The following ADAM23 variants were observed in gnomAD, a reference collection of about 807,000 sequenced individuals.
The protein encoded by ADAM23 is ADAM metallopeptidase domain 23.
A neutral mutation model predicts 120.1 loss-of-function variants in ADAM23; 33 were observed. That is an observed-to-expected ratio of 0.27 (90% CI 0.21 to 0.37). ADAM23 has a LOEUF of 0.37. Ranked by LOEUF, ADAM23 falls within the 10% of genes least tolerant of loss-of-function variation. ADAM23 has a pLI of 1.00. For synonymous variants in ADAM23, 367 were observed against 375.2 expected (o/e 0.98, Z 0.25); for missense variants, 862 against 1,058.2 (o/e 0.81, Z 2.57).
intron 18 of ADAM23, among the ~76,000 whole-genome samples, chr2:206,576,281 T>G (rs1574543906): frequency 6.6e-6 from 1 of 152,090 alleles, no homozygotes; most frequent in African/African-American, 2.4e-5. Context: ...TAAAAACTTC[T>G]GTGTATTCAG....
At chr2:206,477,539 A>G (rs1695798257) in intron 2 of ADAM23, among the ~76,000 whole-genome samples, 1 of 152,112 alleles carries the variant, frequency 6.6e-6, no homozygotes, top group Non-Finnish European at 1.5e-5. Context: ...GAATGTCCTT[A>G]TAAAAGCAAG....
intron 3 of ADAM23, among the ~76,000 whole-genome samples, chr2:206,494,713 T>G (rs539733048): frequency 7.3e-4 from 111 of 152,356 alleles, no homozygotes; most frequent in African/African-American, 2.6e-3. Flanking sequence ...TTGCATCTTT[T>G]TTCCCACTAG....
chr2:206,553,817 C>G (rs1279905464), intron 9 of ADAM23, among the ~76,000 whole-genome samples: 1 of 152,106 alleles, frequency 6.6e-6, no homozygotes, highest in Non-Finnish European at 1.5e-5. Flanking sequence ...TGCTGCTGGG[C>G]TTTAGGATAA....
chr2:206,463,500 A>T (rs1695470974), intron 2 of ADAM23, among the ~76,000 whole-genome samples: 1 of 152,216 alleles, frequency 6.6e-6, no homozygotes, highest in South Asian at 2.1e-4. Context: ...ATGATAATTT[A>T]TGTTGTTTTA....
chr2:206,603,005 A>G (rs1409357135), intron 24 of ADAM23, among the ~76,000 whole-genome samples: 1 of 152,154 alleles, frequency 6.6e-6, no homozygotes, highest in Admixed American at 6.5e-5. Context: ...GTTCCTAATA[A>G]AAGGATTGTG....
In ADAM23 at chr2:206,481,765, G is replaced by T. The variant is rs527341763; in HGVS notation, c.509+457G>T. Reference sequence around the variant, plus strand: ...GAGAAGATTCTTTGCTTTATAATTTGCTCTAATATGGTTTCTTAGAAATTT... The same window carrying T: ...GAGAAGATTCTTTGCTTTATAATTTTCTCTAATATGGTTTCTTAGAAATTT... On this transcript the variant is annotated intron_variant, in intron 3 of 25. Transcript: ENST00000264377. Among the ~76,000 whole-genome samples the T allele has an allele frequency of 1.2e-4, 18 of 152,220 alleles. No homozygotes were observed. The East Asian group carries it at 3.1e-3, about 26-fold the overall frequency.
chr2:206,558,340 A>G, intron 10 of ADAM23, among the ~76,000 whole-genome samples: 1 of 152,184 alleles, frequency 6.6e-6, no homozygotes, highest in East Asian at 1.9e-4. Context: ...TAAATGCGAA[A>G]AAAACCCCAC....
At chr2:206,577,094 T>G (rs1047312363) in intron 18 of ADAM23, among the ~76,000 whole-genome samples, 1 of 152,120 alleles carries the variant, frequency 6.6e-6, no homozygotes, top group Non-Finnish European at 1.5e-5. Context: ...GATTTATGGT[T>G]TTCCTGTTTT....
intron 6 of ADAM23, among the ~76,000 whole-genome samples, chr2:206,545,613 A>G (rs774604995): frequency 1.3e-5 from 2 of 152,304 alleles, no homozygotes; most frequent in Non-Finnish European, 2.9e-5. Flanking sequence ...ATATGGGGTA[A>G]ATTTCAAAGT....
intron 13 of ADAM23, among the ~76,000 whole-genome samples, chr2:206,562,646 T>A (rs1697790363): frequency 6.6e-6 from 1 of 152,172 alleles, no homozygotes; most frequent in Non-Finnish European, 1.5e-5. Context: ...ACAAGCTTAG[T>A]GAGATCACAG....
In ADAM23 at chr2:206,477,804, A is replaced by G. The variant is rs372116413; in HGVS notation, c.433-3428A>G. Among the ~76,000 whole-genome samples the G allele has an allele frequency of 3.6e-3, 543 of 149,582 alleles. 3 individuals carry two copies. Among genetic ancestry groups the G allele is most frequent in the Middle Eastern group, 0.028 (8 of 286 alleles). ...TCAACTAAAAATGATATGGCTGTAT[A>G]TTGTAAGACTTTGTACTCATCCCAG... On this transcript the variant is annotated intron_variant, in intron 2 of 25. Transcript: ENST00000264377.
chr2:206,505,484 G>A (rs1444064423), intron 3 of ADAM23, among the ~76,000 whole-genome samples: 1 of 152,144 alleles, frequency 6.6e-6, no homozygotes, highest in Non-Finnish European at 1.5e-5. Flanking sequence ...TCTACAGGAA[G>A]CATGGCTGGG....
intron 9 of ADAM23, among the ~76,000 whole-genome samples, chr2:206,553,759 A>G (rs976462350): frequency 6.6e-6 from 1 of 152,186 alleles, no homozygotes; most frequent in South Asian, 2.1e-4. Flanking sequence ...TTGAAAGTCA[A>G]ACTGAACTAG....
At chr2:206,527,626 CCT>C (rs1244796538) in intron 3 of ADAM23, among the ~76,000 whole-genome samples, 4 of 152,056 alleles carry the variant, frequency 2.6e-5, no homozygotes, top group African/African-American at 7.3e-5. Flanking sequence ...CATTTTTCAC[CCT>C]GTTTCCAAGC....
At chr2:206,549,234 T>G (rs962314698) in intron 8 of ADAM23, among the ~76,000 whole-genome samples, 1 of 151,490 alleles carries the variant, frequency 6.6e-6, no homozygotes, top group African/African-American at 2.4e-5. Flanking sequence ...CTCCCTTTTA[T>G]GAAACTCTTA....
chr2:206,598,410 A>G (rs1350119586), intron 24 of ADAM23, among the ~76,000 whole-genome samples: 1 of 152,132 alleles, frequency 6.6e-6, no homozygotes, highest in Non-Finnish European at 1.5e-5. Context: ...GCATTAAGTA[A>G]AGAAAGTCAC....
At chr2:206,553,871 G>T (rs34148857) in intron 9 of ADAM23, among the ~76,000 whole-genome samples, 10,868 of 152,084 alleles carry the variant, frequency 0.071, 431 homozygotes, top group Middle Eastern at 0.11. Flanking sequence ...TATACTATAC[G>T]ATCCAGAATA....
At chr2:206,531,010 T>G in intron 4 of ADAM23, 62 bp downstream of exon 4, 1 of 1,369,844 alleles carries the variant, frequency 7.3e-7, no homozygotes, top group Non-Finnish European at 1.0e-6. Context: ...AGTTGATCAG[T>G]GCACACTGCG....
At chr2:206,526,273 A>G (rs907224912) in intron 3 of ADAM23, among the ~76,000 whole-genome samples, 1 of 152,118 alleles carries the variant, frequency 6.6e-6, no homozygotes, top group African/African-American at 2.4e-5. Flanking sequence ...ATATAATAGC[A>G]GCTCTGCTTG....
Sources: allele counts gnomAD v4.1 joint callset (sites outside exome capture counted in the v4.1 genomes callset), GRCh38; gene constraint gnomAD v4.1.1; transcripts MANE v1.5; gene names NCBI Gene and HGNC (gene_info 2026-07-23, HGNC 2026-07-21).